Variants in GALNT15 observed in about 807,000 individuals in gnomAD.
GALNT15 encodes the protein polypeptide N-acetylgalactosaminyltransferase 15.
GALNT15 carries 67 observed loss-of-function variants against 66.8 expected under a neutral mutation model. The observed-to-expected ratio is 1.00, with a 90% confidence interval of 0.82 to 1.23. The LOEUF (loss-of-function observed/expected upper bound fraction) is 1.23. Ranked by LOEUF, GALNT15 falls within the 50% of genes most tolerant of loss-of-function variation. The pLI, the probability that GALNT15 is intolerant of heterozygous loss-of-function variation, is 0.00. For synonymous variants in GALNT15, 313 were observed against 311.5 expected (o/e 1.00, Z -0.05); for missense variants, 827 against 804.3 (o/e 1.03, Z -0.34).
At position 16,229,563 on chromosome 3, in the gene GALNT15, A is replaced by G. The variant is rs2064061320; in HGVS notation, c.*2063A>G. 1 of 985,074 alleles carries G rather than the reference A, an allele frequency of 1.0e-6. No individual in the cohort carries two copies. Among genetic ancestry groups the G allele is most frequent in the Non-Finnish European group, 1.2e-6 (1 of 829,740 alleles). 61.0% of individuals were successfully genotyped at this position (985,074 alleles called of 1,614,324 possible). A position where few individuals can be genotyped will look rare whatever the true frequency, so the allele number is the denominator to read the frequency against. On this transcript the variant is annotated 3_prime_UTR_variant, in exon 10 of 10. Coordinates refer to ENST00000339732, the MANE Select transcript of GALNT15 (RefSeq NM_054110.5). ...CTATATTTAAAACAAATTTCCCTAA[A>G]TCCTGAGACTGAGACGGAGCTACAA...
In GALNT15 at chr3:16,176,807, C is replaced by T. The variant is rs760524633; in HGVS notation, c.539+1117C>T. Among the ~76,000 whole-genome samples, 21 of 152,222 alleles carry T rather than the reference C, an allele frequency of 1.4e-4. No individual in the cohort carries two copies. The highest frequency in any genetic ancestry group is 2.1e-4 in the South Asian group (1 of 4,834). ...GTTGGAAGCAGGGCCACACACTCTT[C>T]GGATCCCTGATCTAGTTCCCCTCAG... On this transcript the variant is annotated intron_variant, in intron 1 of 9. Transcript: ENST00000339732. This position sits in a 1 kb window ranked among gnomAD's most constrained non-coding sequence, Gnocchi z 5.6.
intron 6 of GALNT15, among the ~76,000 whole-genome samples, chr3:16,214,987 C>T (rs1008999676): frequency 6.6e-6 from 1 of 152,176 alleles, no homozygotes; most frequent in Non-Finnish European, 1.5e-5. Flanking sequence ...TAGCTCTTTG[C>T]TTTCAGAGGA....
the GALNT15 span, among the ~76,000 whole-genome samples, chr3:16,247,440 G>C: frequency 5.9e-5 from 9 of 152,346 alleles, no homozygotes; most frequent in African/African-American, 2.2e-4. Context: ...TGATGCCTTT[G>C]CCGTCTGCAT....
intron 3 of GALNT15, among the ~76,000 whole-genome samples, chr3:16,201,264 C>T (rs578202299): frequency 6.6e-6 from 1 of 152,260 alleles, no homozygotes; most frequent in Non-Finnish European, 1.5e-5. Flanking sequence ...TCACTGCAAG[C>T]TGCGCCTCCC....
rs529368488 is a variant in GALNT15, at chr3:16,183,047, C to G, written c.539+7357C>G. 1 of 152,202 alleles carries G rather than the reference C, an allele frequency of 6.6e-6. No individual in the cohort carries two copies. Among genetic ancestry groups the G allele is most frequent in the African/African-American group, 2.4e-5 (1 of 41,440 alleles). The allele number at this position is 152,202 out of a possible 1,614,324, so 9.4% of individuals were successfully genotyped here. On this transcript the variant is annotated intron_variant, in intron 1 of 9. Coordinates refer to ENST00000339732, the MANE Select transcript of GALNT15 (RefSeq NM_054110.5). The surrounding 1 kb of genome is among the most constrained non-coding windows in gnomAD (Gnocchi z 5.2). ...GGCTCCAAGATGCTTCATAGGCCTC[C>G]GGTCAGTGTTCAGACCAGTGACTCC...
chr3:16,214,443 A>C (rs1039635), intron 6 of GALNT15, among the ~76,000 whole-genome samples: 1 of 152,084 alleles, frequency 6.6e-6, no homozygotes, highest in Non-Finnish European at 1.5e-5. Context: ...GTTGTTAGGA[A>C]GAATAAATAC....
rs1478137683 is a variant in GALNT15 at position 16,203,808 on chromosome 3, C to T, written c.911+2985C>T. On this transcript the variant is annotated intron_variant, in intron 3 of 9. Transcript: ENST00000339732. The surrounding 1 kb of genome is among the most constrained non-coding windows in gnomAD (Gnocchi z 6.2). ...GTATCTGAGTCCCACTCTCTCCACT[C>T]CACCTGGCAACGCTCTATGAGCTGT... Among the ~76,000 whole-genome samples the T allele has an allele frequency of 2.6e-5, 4 of 152,140 alleles. No individual in the cohort carries two copies. Among genetic ancestry groups the T allele is most frequent in the Non-Finnish European group, 4.4e-5 (3 of 68,032 alleles).
At chr3:16,235,360 G>T (rs536200085), downstream of GALNT15, among the ~76,000 whole-genome samples, 10 of 152,278 alleles carry the variant, frequency 6.6e-5, no homozygotes, top group South Asian at 4.1e-4. Flanking sequence ...ATGAAGCAAG[G>T]TTCCTCCGGC....
chr3:16,174,950 C>A lies in GALNT15; in HGVS notation c.-202C>A. 2 of 565,438 alleles carry A rather than the reference C, an allele frequency of 3.5e-6. No individual in the cohort carries two copies. Among genetic ancestry groups the A allele is most frequent in the South Asian group, 5.2e-5 (2 of 38,276 alleles). The allele number at this position is 565,438 out of a possible 1,614,324, so 35.0% of individuals were successfully genotyped here. On this transcript the variant is annotated 5_prime_UTR_variant, in exon 1 of 10. Transcript: ENST00000339732. This position sits in a 1 kb window ranked among gnomAD's most constrained non-coding sequence, Gnocchi z 4.7. ...CACTCAGAGAGGACTTGGGGTGAAA[C>A]TTGGGTCCTGTGGTTTTCTGATTGT...
At chr3:16,246,671 A>T in the GALNT15 span, among the ~76,000 whole-genome samples, 1 of 152,208 alleles carries the variant, frequency 6.6e-6, no homozygotes, top group South Asian at 2.1e-4. Flanking sequence ...TATCTTGTTC[A>T]TGTAATACTC....
At chr3:16,239,528 T>A in the GALNT15 span, among the ~76,000 whole-genome samples, 125 of 152,274 alleles carry the variant, frequency 8.2e-4, 1 homozygote, top group Admixed American at 1.3e-3. This position sits in a 1 kb window ranked among gnomAD's most constrained non-coding sequence, Gnocchi z 5.2. Context: ...GAACCTTCAA[T>A]GCCCCAGAAG....
chr3:16,238,325 A>G, the GALNT15 span, among the ~76,000 whole-genome samples: 1 of 98,228 alleles, frequency 1.0e-5, no homozygotes, highest in Non-Finnish European at 2.3e-5. This position sits in a 1 kb window ranked among gnomAD's most constrained non-coding sequence, Gnocchi z 4.8. Context: ...AATCATAGTA[A>G]TAACAACAAC....
Position 16,175,323 on chromosome 3 carries a change from C to T in GALNT15, c.172C>T (p.Arg58Cys), listed in dbSNP as rs763758945. Residue 58 changes from arginine (R) to cysteine (C), a missense_variant, in exon 1 of 10, where the codon CGC becomes TGC. By Grantham distance (180) the Arg-to-Cys change is radical. Transcript: ENST00000339732. The surrounding 1 kb of genome is among the most constrained non-coding windows in gnomAD (Gnocchi z 5.6). Reference protein sequence around the residue: ...ASKHSPEARYRLDFGESQDWV... With the variant: ...ASKHSPEARYCLDFGESQDWV... ...CAAGCACAGCCCTGAAGCCAGGTACCGCCTGGACTTTGGGGAATCCCAGGA... is the reference window on the plus strand; with the variant it reads ...CAAGCACAGCCCTGAAGCCAGGTACTGCCTGGACTTTGGGGAATCCCAGGA... 57 of 1,614,162 alleles carry T rather than the reference C, an allele frequency of 3.5e-5. No homozygotes were observed. Among genetic ancestry groups the T allele is most frequent in the Admixed American group, 3.0e-4 (18 of 60,018 alleles).
the GALNT15 span, among the ~76,000 whole-genome samples, chr3:16,241,097 T>C: frequency 6.6e-6 from 1 of 152,192 alleles, no homozygotes; most frequent in East Asian, 1.9e-4. This position sits in a 1 kb window ranked among gnomAD's most constrained non-coding sequence, Gnocchi z 4.6. Flanking sequence ...GCTGAATTAA[T>C]TACCCCTCTT....
chr3:16,232,499 TA>T (rs1559698383), downstream of GALNT15, among the ~76,000 whole-genome samples: 37 of 88,432 alleles, frequency 4.2e-4, 1 homozygote, highest in African/African-American at 1.5e-3. Flanking sequence ...TATATATATA[TA>T]TATATATATA....
the GALNT15 span, among the ~76,000 whole-genome samples, chr3:16,238,567 TCC>T: frequency 1.4e-4 from 21 of 152,168 alleles, no homozygotes; most frequent in Non-Finnish European, 2.9e-4. This position sits in a 1 kb window ranked among gnomAD's most constrained non-coding sequence, Gnocchi z 4.8. Flanking sequence ...TACTATTATC[TCC>T]GTTTTATATT....
chr3:16,223,846 C>G (rs554393621), intron 9 of GALNT15, among the ~76,000 whole-genome samples: 7 of 152,208 alleles, frequency 4.6e-5, no homozygotes, highest in African/African-American at 1.7e-4. Context: ...GTGTGAGCCA[C>G]TGCGCCTGGC....
chr3:16,220,982 T>C (rs954603380), intron 8 of GALNT15, among the ~76,000 whole-genome samples: 27 of 152,178 alleles, frequency 1.8e-4, no homozygotes, highest in Admixed American at 1.1e-3. Flanking sequence ...GACATAAACA[T>C]CAAGTGCTAA....
intron 8 of GALNT15, among the ~76,000 whole-genome samples, chr3:16,221,309 A>T (rs2124900867): frequency 6.7e-6 from 1 of 150,204 alleles, no homozygotes; most frequent in East Asian, 1.9e-4. Context: ...AATATTGTAA[A>T]CTAGAAAAGT....
Sources: allele counts gnomAD v4.1 joint callset (sites outside exome capture counted in the v4.1 genomes callset), GRCh38; gene constraint gnomAD v4.1.1; non-coding constraint Gnocchi (gnomAD v3.1); transcripts MANE v1.5; gene names NCBI Gene and HGNC (gene_info 2026-07-23, HGNC 2026-07-21).